The following CAPN13 variants were observed in gnomAD, a reference collection of about 807,000 sequenced individuals.
CAPN13 encodes calpain-13.
In CAPN13, 90 loss-of-function variants were observed where a neutral mutation model predicts 98.4. That is an observed-to-expected ratio of 0.92 (90% confidence interval 0.77 to 1.09). The LOEUF (loss-of-function observed/expected upper bound fraction) is 1.09. Among genes scored for constraint, CAPN13 ranks in the 50% least tolerant of loss-of-function variants. CAPN13 has a pLI of 0.00. For synonymous variants in CAPN13, 330 were observed against 305.5 expected (o/e 1.08, Z -0.84); for missense variants, 887 against 841.3 (o/e 1.05, Z -0.67).
intron 1 of CAPN13, among the ~76,000 whole-genome samples, chr2:30,796,892 G>A (rs1043690584): frequency 3.3e-5 from 5 of 152,170 alleles, no homozygotes; most frequent in Non-Finnish European, 5.9e-5. Flanking sequence ...CACATTCCAA[G>A]AGGCTTATCG....
chr2:30,755,240 G>A (rs953733543), intron 8 of CAPN13, among the ~76,000 whole-genome samples: 1 of 151,780 alleles, frequency 6.6e-6, no homozygotes, highest in African/African-American at 2.4e-5. Flanking sequence ...CATTGCCTCT[G>A]GGAAGCCTTG....
chr2:30,802,408 T>C (rs573452005), intron 1 of CAPN13, among the ~76,000 whole-genome samples: 1 of 151,988 alleles, frequency 6.6e-6, no homozygotes, highest in East Asian at 1.9e-4. Context: ...CTTTCTATAT[T>C]AAATATGTCA....
At chr2:30,727,064 G>T (rs1670882795) in intron 22 of CAPN13, among the ~76,000 whole-genome samples, 1 of 152,104 alleles carries the variant, frequency 6.6e-6, no homozygotes, top group Non-Finnish European at 1.5e-5. Context: ...TTTTTGAAAA[G>T]GGTTCCAAGA....
intron 7 of CAPN13, among the ~76,000 whole-genome samples, chr2:30,760,834 A>C (rs948698363): frequency 6.6e-6 from 1 of 152,148 alleles, no homozygotes; most frequent in Non-Finnish European, 1.5e-5. Flanking sequence ...ACACCTGAGA[A>C]TGGGCCAGCC....
chr2:30,738,322 A>C, intron 16 of CAPN13, 29 bp from the exon 17 acceptor site: 8 of 1,613,704 alleles, frequency 5.0e-6, no homozygotes, highest in East Asian at 2.2e-5. Context: ...GAAGGACTGA[A>C]GTGTTGACAG....
intron 22 of CAPN13, among the ~76,000 whole-genome samples, chr2:30,727,202 C>T (rs998949618): frequency 2.6e-5 from 4 of 152,122 alleles, no homozygotes; most frequent in African/African-American, 9.7e-5. Context: ...GATCAAAGAC[C>T]TAAATGTAAG....
chr2:30,793,302 T>A (rs969537145), intron 1 of CAPN13, among the ~76,000 whole-genome samples: 2 of 151,578 alleles, frequency 1.3e-5, no homozygotes, highest in Non-Finnish European at 1.5e-5. Flanking sequence ...TAAAAAATTA[T>A]ATTATTATAT....
At chr2:30,754,147 T>C (rs181911637) in intron 9 of CAPN13, 143 bp downstream of exon 9, 112 of 520,802 alleles carry the variant, frequency 2.2e-4, no homozygotes, top group African/African-American at 1.8e-3. Context: ...AGTTTTTGTG[T>C]CTTGGTAGAG....
At chr2:30,775,524 A>C (rs1673642812) in intron 4 of CAPN13, among the ~76,000 whole-genome samples, 1 of 152,218 alleles carries the variant, frequency 6.6e-6, no homozygotes, top group African/African-American at 2.4e-5. Context: ...AATGTGCAAG[A>C]ATTACCAAGA....
In CAPN13 at chr2:30,751,094, C is replaced by G. The variant is rs766978745; in HGVS notation, c.1236+9G>C. 1 of 1,613,032 alleles carries G rather than the reference C, an allele frequency of 6.2e-7. No homozygotes were observed. The highest frequency in any genetic ancestry group is 8.5e-7 in the Non-Finnish European group (1 of 1,179,452). On this transcript the variant is annotated intron_variant, in intron 11 of 22. Coordinates refer to ENST00000295055, the MANE Select transcript of CAPN13 (RefSeq NM_144575.3). ...CTACAAGGGAAAGCCCTGAAGCAGG[C>G]TGCCTTACCAGAATCACTTGGAAAT...
intron 6 of CAPN13, 122 bp downstream of exon 6, chr2:30,764,010 G>A (rs1039304717): frequency 5.2e-6 from 5 of 960,164 alleles, no homozygotes; most frequent in Non-Finnish European, 7.7e-6. Flanking sequence ...GGTAAAGCAC[G>A]CTATCAGTGT....
chr2:30,732,456 G>A lies in CAPN13; in HGVS notation c.1909C>T (p.Arg637Trp), dbSNP rs779837148. 4 of 1,613,452 alleles carry A rather than the reference G, an allele frequency of 2.5e-6. No individual in the cohort carries two copies. Among genetic ancestry groups the A allele is most frequent in the Middle Eastern group, 1.7e-4 (1 of 6,052 alleles). ...SFPSLVCFLM[R>W]LEAMAKTFRN... is the part of the protein sequence containing the mutation. ...CACTTACTTGCCATGGCTTCAAGCC[G>A]CATCAGGAAGCAGACCAGGCTGGGG... Residue 637 changes from arginine (R) to tryptophan (W), a missense_variant, in exon 20 of 23, where the codon CGG (arginine) becomes TGG (tryptophan). Transcript: ENST00000295055.
At chr2:30,733,364 G>C (rs2147948874) in intron 19 of CAPN13, among the ~76,000 whole-genome samples, 1 of 151,598 alleles carries the variant, frequency 6.6e-6, no homozygotes, top group East Asian at 1.9e-4. Flanking sequence ...CTGACTGTGA[G>C]CTCCATCACC....
At chr2:30,729,729 A>G (rs1312951538) in intron 22 of CAPN13, 1 of 152,228 alleles carries the variant, frequency 6.6e-6, no homozygotes, top group Non-Finnish European at 1.5e-5. Context: ...ATTTATGGAG[A>G]CAGTGTCTGT....
Position 30,743,487 on chromosome 2 carries a change from C to G in CAPN13, c.1341G>C (p.Met447Ile). The G allele has an allele frequency of 6.2e-7, 1 of 1,613,968 alleles. No homozygotes were observed. The highest frequency in any genetic ancestry group is 1.6e-4 in the Middle Eastern group (1 of 6,062). Reference protein sequence around the residue: ...SNNKFRRNFTMTYHLSPGNYV... With the variant: ...SNNKFRRNFTITYHLSPGNYV... ...AGTTCCCAGGGCTCAGATGGTAAGT[C>G]ATGGTGAAGTTGCGGCGGAATTTAT... Residue 447 changes from methionine (M) to isoleucine (I), a missense_variant, in exon 13 of 23, where the codon ATG becomes ATC. Met to Ile is a conservative substitution (Grantham distance 10). Coordinates refer to ENST00000295055, the MANE Select transcript of CAPN13 (RefSeq NM_144575.3).
chr2:30,777,721 G>C, intron 2 of CAPN13, 82 bp from the exon 3 acceptor site: 8 of 1,186,722 alleles, frequency 6.7e-6, no homozygotes, highest in Admixed American at 2.0e-5. Context: ...TGTCTTTCAA[G>C]GGTCGAGGTT....
intron 22 of CAPN13, among the ~76,000 whole-genome samples, chr2:30,725,255 T>C (rs1336202043): frequency 7.1e-6 from 1 of 140,788 alleles, no homozygotes; most frequent in Non-Finnish European, 1.5e-5. Flanking sequence ...TATTTAAACA[T>C]ATTTTAACAT....
chr2:30,767,523 G>A (rs988472260), intron 5 of CAPN13, among the ~76,000 whole-genome samples: 4 of 152,100 alleles, frequency 2.6e-5, no homozygotes, highest in African/African-American at 9.7e-5. Flanking sequence ...TTTACATAAG[G>A]ATAAAACGAG....
Position 30,738,254 on chromosome 2 carries a change from C to G in CAPN13, c.1634G>C (p.Ser545Thr), listed in dbSNP as rs750555469. Residue 545 changes from serine to threonine, a missense_variant, in exon 17 of 23, where the codon AGC (serine) becomes ACC (threonine). Physicochemically the swap from Ser to Thr is moderately conservative, Grantham distance 58. Transcript: ENST00000295055. ...GDMFSLDECR[S>T]LVALMELKVN... The stretch of plus-strand genomic sequence containing the variant: ...GGATACTTCCATCAGAGCCACCAAG[C>G]TGCGGCACTCATCTAAGGAGAACAT... 3.1e-6 allele frequency: 5 copies of G among 1,613,968 alleles called. No homozygotes were observed. The highest frequency in any genetic ancestry group is 3.4e-6 in the Non-Finnish European group (4 of 1,179,892).
Sources: gnomAD v4.1 joint callset for allele counts (sites outside exome capture counted in the v4.1 genomes callset) on GRCh38, gnomAD v4.1.1 for gene constraint, MANE v1.5 for transcripts, NCBI Gene and HGNC (gene_info 2026-07-23, HGNC 2026-07-21) for gene names.